SPAG16: variants seen among roughly 807,000 people sequenced by gnomAD.
SPAG16 encodes sperm-associated antigen 16 protein.
Under a neutral mutation model 80.4 loss-of-function variants are expected in SPAG16, and 86 were observed. The observed-to-expected ratio is 1.07, with a 90% CI of 0.90 to 1.28. The LOEUF (loss-of-function observed/expected upper bound fraction) is 1.28. Ranked by LOEUF, SPAG16 falls within the 50% of genes most tolerant of loss-of-function variation. The pLI, the probability that SPAG16 is intolerant of heterozygous loss-of-function variation, is 0.00. For missense variants in SPAG16, 870 were observed against 765.3 expected (o/e 1.14, Z -1.61); for synonymous variants, 294 against 265.9 (o/e 1.11, Z -1.03).
At position 213,490,104 on chromosome 2, in the gene SPAG16, TG is replaced by T. The variant is rs748006697; in HGVS notation, c.1070+15del. On this transcript the variant is annotated intron_variant, in intron 10 of 15. Coordinates refer to ENST00000331683, the MANE Select transcript of SPAG16 (RefSeq NM_024532.5). ...TCCAGTGAGCTGGTAGGATTTTTGA[TG>T]TTTTATTAATACTTTTGAGATTTTA... The T allele has an allele frequency of 1.4e-5, 22 of 1,567,508 alleles. No homozygotes were observed. The highest frequency in any genetic ancestry group is 1.8e-5 in the Non-Finnish European group (21 of 1,162,276).
intron 11 of SPAG16, among the ~76,000 whole-genome samples, chr2:213,880,345 T>A (rs902478081): frequency 6.6e-5 from 10 of 152,230 alleles, no homozygotes; most frequent in Non-Finnish European, 1.3e-4. Flanking sequence ...CTTGTTGATT[T>A]GTTTAAGTTC....
chr2:213,729,694 C>A (rs891840456), intron 10 of SPAG16, among the ~76,000 whole-genome samples: 1 of 152,170 alleles, frequency 6.6e-6, no homozygotes, highest in African/African-American at 2.4e-5. Context: ...TGTCTAGGGA[C>A]AACTGTGCTG....
At chr2:213,816,992 T>A (rs1017123901) in intron 10 of SPAG16, among the ~76,000 whole-genome samples, 1 of 151,804 alleles carries the variant, frequency 6.6e-6, no homozygotes, top group African/African-American at 2.4e-5. Context: ...TGTAATAAAA[T>A]TTTCCAGGGT....
intron 10 of SPAG16, among the ~76,000 whole-genome samples, chr2:213,794,581 T>C (rs1322636108): frequency 6.6e-6 from 1 of 152,114 alleles, no homozygotes; most frequent in Non-Finnish European, 1.5e-5. Flanking sequence ...AAGGCAGATA[T>C]TGAGATGGGG....
intron 10 of SPAG16, among the ~76,000 whole-genome samples, chr2:213,546,653 A>G (rs2076621650): frequency 6.6e-6 from 1 of 152,154 alleles, no homozygotes; most frequent in Non-Finnish European, 1.5e-5. Context: ...CATAGGAGAT[A>G]TGACAGAGTG....
intron 13 of SPAG16, among the ~76,000 whole-genome samples, chr2:214,080,327 G>A (rs187552589): frequency 1.3e-4 from 20 of 151,968 alleles, no homozygotes; most frequent in Non-Finnish European, 2.2e-4. Flanking sequence ...GGCCAGGCAC[G>A]GTGGCTCACG....
chr2:213,754,512 C>G (rs2068227571), intron 10 of SPAG16, among the ~76,000 whole-genome samples: 1 of 152,052 alleles, frequency 6.6e-6, no homozygotes, highest in Non-Finnish European at 1.5e-5. Context: ...AAGATTATGT[C>G]TAGTCAGTGT....
chr2:214,168,615 T>G lies in SPAG16; in HGVS notation c.1720+19349T>G, dbSNP rs569312502. 7.8e-4 allele frequency among the ~76,000 whole-genome samples: 118 copies of G among 152,004 alleles called. 1 individual carries two copies. The highest frequency in any genetic ancestry group is 1.4e-3 in the Non-Finnish European group (95 of 67,986). On this transcript the variant is annotated intron_variant, in intron 15 of 15. Transcript: ENST00000331683. ...TTAGATAAGATGTGCAGGAAAGGCC[T>G]CTGAGAAAAAGCAACTTTCCTAACT...
intron 10 of SPAG16, among the ~76,000 whole-genome samples, chr2:213,653,762 A>T (rs1422497141): frequency 6.6e-6 from 1 of 152,156 alleles, no homozygotes; most frequent in African/African-American, 2.4e-5. Context: ...GGAACTATAA[A>T]CAATCACCAT....
At chr2:213,712,638 C>T (rs2066050241) in intron 10 of SPAG16, among the ~76,000 whole-genome samples, 1 of 152,024 alleles carries the variant, frequency 6.6e-6, no homozygotes. Flanking sequence ...TGGCATTTGC[C>T]CTTCTTTCTC....
At chr2:214,342,437 C>CAAT (rs1390241608) in intron 15 of SPAG16, among the ~76,000 whole-genome samples, 1 of 152,148 alleles carries the variant, frequency 6.6e-6, no homozygotes, top group Admixed American at 6.5e-5. Flanking sequence ...TAGATTCCCA[C>CAAT]AGGAAGGGAA....
chr2:213,867,752 C>A (rs898416333), intron 11 of SPAG16, among the ~76,000 whole-genome samples: 2 of 130,260 alleles, frequency 1.5e-5, no homozygotes, highest in Non-Finnish European at 3.4e-5. Context: ...GAATCCCCGT[C>A]TCCACTAAAA....
At chr2:213,877,088 A>C (rs1483212297) in intron 11 of SPAG16, among the ~76,000 whole-genome samples, 1 of 152,126 alleles carries the variant, frequency 6.6e-6, no homozygotes, top group Non-Finnish European at 1.5e-5. Context: ...AGTGACCTTG[A>C]TATTTATCTT....
intron 12 of SPAG16, among the ~76,000 whole-genome samples, chr2:213,934,189 T>A (rs1292492301): frequency 6.6e-6 from 1 of 152,236 alleles, no homozygotes; most frequent in East Asian, 1.9e-4. Flanking sequence ...AAGTTCCTCA[T>A]GATGCCTGCC....
chr2:213,477,542 A>AT (rs2073482764), intron 9 of SPAG16, among the ~76,000 whole-genome samples: 2 of 152,192 alleles, frequency 1.3e-5, no homozygotes, highest in Non-Finnish European at 2.9e-5. Context: ...AAAGGAGATG[A>AT]TTTTGGAACT....
At chr2:213,653,775 C>G (rs1000975792) in intron 10 of SPAG16, among the ~76,000 whole-genome samples, 10 of 152,068 alleles carry the variant, frequency 6.6e-5, no homozygotes, top group Non-Finnish European at 1.0e-4. Context: ...ATCACCATTT[C>G]TGATTAATTT....
At chr2:213,562,593 C>T (rs777797631) in intron 10 of SPAG16, among the ~76,000 whole-genome samples, 4 of 152,046 alleles carry the variant, frequency 2.6e-5, no homozygotes, top group South Asian at 2.1e-4. Context: ...GGGCCAATGT[C>T]ATATTTATAG....
At chr2:213,494,637 G>A (rs920145279) in intron 10 of SPAG16, among the ~76,000 whole-genome samples, 4 of 152,172 alleles carry the variant, frequency 2.6e-5, no homozygotes, top group Non-Finnish European at 5.9e-5. Context: ...ATTCACTGGT[G>A]TCACAATAGC....
At chr2:214,394,137 G>T (rs1430201935) in intron 15 of SPAG16, among the ~76,000 whole-genome samples, 1 of 152,100 alleles carries the variant, frequency 6.6e-6, no homozygotes, top group East Asian at 1.9e-4. Context: ...ATCTAAATAG[G>T]CATCTCTCTT....
Sources: gnomAD v4.1 joint callset for allele counts (sites outside exome capture counted in the v4.1 genomes callset) on GRCh38, gnomAD v4.1.1 for gene constraint, MANE v1.5 for transcripts, NCBI Gene and HGNC (gene_info 2026-07-23, HGNC 2026-07-21) for gene names.